TACC1: variants seen among roughly 807,000 people sequenced by gnomAD.
TACC1 encodes transforming acidic coiled-coil containing protein 1, also known as transforming acidic coiled-coil-containing protein 1.
A neutral mutation model predicts 84.4 loss-of-function variants in TACC1; 48 were observed. That is an observed-to-expected ratio of 0.57 (90% CI 0.45 to 0.72). The LOEUF (loss-of-function observed/expected upper bound fraction) is 0.72, where lower values mean the gene tolerates loss of function less well. TACC1 is among the 30% of genes least tolerant of loss of function. The pLI is 0.00. For missense variants in TACC1, 920 were observed against 973.0 expected (o/e 0.95, Z 0.72); for synonymous variants, 372 against 376.3 (o/e 0.99, Z 0.13).
chr8:38,796,749 T>C (rs1223387285), intron 2 of TACC1, among the ~76,000 whole-genome samples: 3 of 152,176 alleles, frequency 2.0e-5, no homozygotes, highest in African/African-American at 7.2e-5. Flanking sequence ...GAGTCATGCA[T>C]GGTTGAGAAG....
chr8:38,799,619 G>A (rs989815103), intron 2 of TACC1: 10 of 152,286 alleles, frequency 6.6e-5, no homozygotes, highest in Non-Finnish European at 1.2e-4. Flanking sequence ...AAATCCCCCT[G>A]CCCACAAAGT....
At chr8:38,751,858 T>C (rs1809095225) in intron 3 of TACC1, among the ~76,000 whole-genome samples, 1 of 152,150 alleles carries the variant, frequency 6.6e-6, no homozygotes, top group Admixed American at 6.6e-5. Flanking sequence ...TGCCTAGCCA[T>C]AGGGTTGTGG....
In TACC1 at chr8:38,827,168, G is replaced by A. The variant is rs774536200; in HGVS notation, c.1453G>A (p.Asp485Asn). Residue 485 changes from aspartate to asparagine, a missense_variant and splice_region_variant, in exon 5 of 13, where the codon GAT (aspartate) becomes AAT (asparagine). By Grantham distance (23) the Asp-to-Asn change is conservative. Transcript: ENST00000317827. ...GCATCTTCTCTGTTGTGTTTCTCAG[G>A]ATGAAGGGGCAGTGATCTCCCAGAT... ...QSLALDACSR[D>N]EGAVISQISD... is the part of the protein sequence containing the mutation. 2 of 1,612,912 alleles carry A rather than the reference G, an allele frequency of 1.2e-6. No individual in the cohort carries two copies. The highest frequency in any genetic ancestry group is 2.2e-5 in the East Asian group (1 of 44,896).
chr8:38,803,705 G>C (rs937422537), intron 2 of TACC1, among the ~76,000 whole-genome samples: 2 of 152,160 alleles, frequency 1.3e-5, no homozygotes, highest in Non-Finnish European at 2.9e-5. Context: ...TTCAATAAAA[G>C]ATGCTGGTCT....
At chr8:38,754,046 C>T (rs1385355162) in intron 3 of TACC1, among the ~76,000 whole-genome samples, 12 of 151,470 alleles carry the variant, frequency 7.9e-5, no homozygotes, top group Non-Finnish European at 2.9e-5. Flanking sequence ...CTCTGCCTCC[C>T]GGGTTCAAGC....
chr8:38,761,874 A>G (rs1369651014), intron 3 of TACC1, among the ~76,000 whole-genome samples: 1 of 152,222 alleles, frequency 6.6e-6, no homozygotes, highest in Non-Finnish European at 1.5e-5. Flanking sequence ...GAATTATAGT[A>G]TTTAACTTGG....
At chr8:38,802,640 C>T (rs562513524) in intron 2 of TACC1, among the ~76,000 whole-genome samples, 1 of 152,280 alleles carries the variant, frequency 6.6e-6, no homozygotes, top group East Asian at 1.9e-4. Flanking sequence ...TTATTTGGCT[C>T]ACAATTCTAT....
At chr8:38,767,728 G>A (rs1486043937) in intron 3 of TACC1, among the ~76,000 whole-genome samples, 1 of 152,070 alleles carries the variant, frequency 6.6e-6, no homozygotes, top group Non-Finnish European at 1.5e-5. Flanking sequence ...TAAAATGAGA[G>A]GGCCATTCAG....
rs1826445709 is a variant in TACC1 at position 38,820,302 on chromosome 8, TA to T, written c.1059del (p.Gln354LysfsTer11). 3 of 1,613,964 alleles carry T rather than the reference TA, an allele frequency of 1.9e-6. No individual in the cohort carries two copies. ...CTGGGTAGCACACTGACTCCCAAGATACAAAAAGATGGCATCAGTAAGTCAG... is the reference window on the plus strand; with the variant it reads ...CTGGGTAGCACACTGACTCCCAAGATCAAAAAGATGGCATCAGTAAGTCAG... Reference protein sequence around the residue: ...RKLGSTLTPKIQKDGISKSAG... With the variant: ...RKLGSTLTPKXQKDGISKSAG... On this transcript the variant is annotated frameshift_variant, in exon 3 of 13. Transcript: ENST00000317827. LOFTEE classifies it high-confidence loss of function.
chr8:38,768,738 T>C (rs1475579553), intron 3 of TACC1, among the ~76,000 whole-genome samples: 1 of 151,930 alleles, frequency 6.6e-6, no homozygotes, highest in Non-Finnish European at 1.5e-5. Flanking sequence ...CATATATATA[T>C]GTGAAACTGT....
intron 7 of TACC1, among the ~76,000 whole-genome samples, chr8:38,836,534 C>T (rs1365998560): frequency 6.6e-6 from 1 of 152,208 alleles, no homozygotes; most frequent in Admixed American, 6.5e-5. Flanking sequence ...CTTTATCTTT[C>T]AGCCCTGACA....
chr8:38,772,197 TGACC>T (rs1192393518), intron 3 of TACC1, among the ~76,000 whole-genome samples: 4 of 152,226 alleles, frequency 2.6e-5, no homozygotes, highest in Non-Finnish European at 5.9e-5. Flanking sequence ...TTTAAAAGAT[TGACC>T]GAACTCAGTA....
At chr8:38,777,028 G>A (rs1449028812) in intron 3 of TACC1, among the ~76,000 whole-genome samples, 3 of 152,160 alleles carry the variant, frequency 2.0e-5, no homozygotes, top group Non-Finnish European at 2.9e-5. Context: ...GGCTGAGGCA[G>A]GCGGACCACC....
rs1135990 is a variant in TACC1 at position 38,852,035 on chromosome 8, C to T, written c.*4012C>T. 0.16 allele frequency: 72,480 copies of T among 451,362 alleles called. 6,956 individuals are homozygous for T. The highest frequency in any genetic ancestry group is 0.27 in the South Asian group (17,264 of 63,738). The allele number at this position is 451,362 out of a possible 1,614,324, so 28.0% of individuals were successfully genotyped here. A position where few individuals can be genotyped will look rare whatever the true frequency, so the allele number is the denominator to read the frequency against. On this transcript the variant is annotated 3_prime_UTR_variant, in exon 13 of 13. Coordinates refer to ENST00000317827, the MANE Select transcript of TACC1 (RefSeq NM_006283.3). ...AAAGAAACTGATGTAACAGACTCTC[C>T]TCTCAAAGGATCTCCTCTGGAAGAG...
chr8:38,787,101 G>A (rs1426090477), upstream of TACC1: 2 of 979,130 alleles, frequency 2.0e-6, no homozygotes, highest in Non-Finnish European at 2.4e-6. Flanking sequence ...GGATCCGGCG[G>A]GCGCGCGGCC....
chr8:38,781,491 C>A (rs1326034400), intron 3 of TACC1, among the ~76,000 whole-genome samples: 1 of 151,586 alleles, frequency 6.6e-6, no homozygotes, highest in Non-Finnish European at 1.5e-5. Flanking sequence ...AAGCGATTCT[C>A]TTGTGTCAGC....
intron 1 of TACC1, chr8:38,728,717 T>C (rs1268463140): frequency 2.0e-5 from 3 of 152,270 alleles, no homozygotes; most frequent in Admixed American, 2.0e-4. Context: ...TTCACACTTA[T>C]TGAGCAAAAC....
At chr8:38,761,799 G>A (rs1587373256) in intron 3 of TACC1, among the ~76,000 whole-genome samples, 3 of 152,302 alleles carry the variant, frequency 2.0e-5, no homozygotes, top group Non-Finnish European at 1.5e-5. Flanking sequence ...AAAATTAAGA[G>A]AGAGATTTAG....
At position 38,738,282 on chromosome 8, in the gene TACC1, GC is replaced by G. The variant is rs1450792229; in HGVS notation, c.-674-4067del. Among the ~76,000 whole-genome samples the G allele has an allele frequency of 2.0e-5, 3 of 152,046 alleles. No homozygotes were observed. In the East Asian group the frequency reaches 5.8e-4, roughly 29 times the overall value. ...AAATTAGTCGGGCGTGGTGGCAAGT[GC>G]CTGTAGTCCCAGCTACTTGGTAGGC... On this transcript the variant is annotated intron_variant, in intron 1 of 14. Coordinates refer to the TACC1 transcript ENST00000518415.
Sources: allele counts gnomAD v4.1 joint callset (sites outside exome capture counted in the v4.1 genomes callset), GRCh38; gene constraint gnomAD v4.1.1; transcripts MANE v1.5; gene names NCBI Gene and HGNC (gene_info 2026-07-23, HGNC 2026-07-21).